The following NRXN3 variants were observed in gnomAD, a reference collection of about 807,000 sequenced individuals.
The protein encoded by NRXN3 is neurexin 3, also known as neurexin III.
In NRXN3, 32 loss-of-function variants were observed where a neutral mutation model predicts 137.6. That is an observed-to-expected ratio of 0.23 (90% confidence interval 0.18 to 0.31). NRXN3 has a LOEUF of 0.31. NRXN3 is among the 10% of genes least tolerant of loss of function. NRXN3 has a pLI of 1.00. For missense variants in NRXN3, 1,574 were observed against 2,062.5 expected, an observed-to-expected ratio of 0.76 and a Z score of 4.59; for synonymous variants, 798 against 784.5, an observed-to-expected ratio of 1.02 and a Z score of -0.29.
At chr14:78,681,445 A>C (rs888279880) in intron 6 of NRXN3, among the ~76,000 whole-genome samples, 2 of 152,240 alleles carry the variant, frequency 1.3e-5, no homozygotes, top group Non-Finnish European at 2.9e-5. Context: ...GAATCTTTAC[A>C]GCAAGACCCT....
chr14:78,393,382 C>T (rs1157093909), intron 4 of NRXN3, among the ~76,000 whole-genome samples: 1 of 151,998 alleles, frequency 6.6e-6, no homozygotes, highest in Non-Finnish European at 1.5e-5. Context: ...AGACCATTTC[C>T]ATCACCACAA....
rs982372864 is a variant in NRXN3, at chr14:79,406,268, C to G, written c.3263-60953C>G. Among the ~76,000 whole-genome samples the G allele has an allele frequency of 3.5e-5, 5 of 144,728 alleles. No individual in the cohort carries two copies. The Admixed American group carries it at 3.5e-4, about 10-fold the overall frequency. The allele number at this position is 144,728 out of a possible 152,430, so 94.9% of individuals were successfully genotyped here. A position where few individuals can be genotyped will look rare whatever the true frequency, so the allele number is the denominator to read the frequency against. ...CCCCTCCCCTCCCCTCCCATCCTCT[C>G]CCCTCCTCTCCCCTCTTCTCCCCTC... is the stretch of plus-strand genomic sequence containing the variant. On this transcript the variant is annotated intron_variant, in intron 15 of 20. Transcript: ENST00000335750.
intron 8 of NRXN3, among the ~76,000 whole-genome samples, chr14:78,719,801 A>C (rs764467744): frequency 2.0e-5 from 3 of 152,076 alleles, no homozygotes; most frequent in Non-Finnish European, 2.9e-5. Flanking sequence ...AAGATCATGC[A>C]GTTGCACTCC....
At chr14:78,909,466 G>A (rs576581854) in intron 10 of NRXN3, among the ~76,000 whole-genome samples, 4 of 152,090 alleles carry the variant, frequency 2.6e-5, no homozygotes, top group African/African-American at 7.2e-5. Context: ...GCCCAAGAAA[G>A]CTTCAATAGC....
rs2095711411 is a variant in NRXN3, at chr14:78,493,622, G to T, written c.758-151498G>T. 2.6e-5 allele frequency among the ~76,000 whole-genome samples: 4 copies of T among 152,192 alleles called. No homozygotes were observed. The South Asian group carries it at 8.3e-4, about 32-fold the overall frequency. On this transcript the variant is annotated intron_variant, in intron 4 of 20. Transcript: ENST00000335750. ...TTTCATCTTTGGACTACCCTCTTTA[G>T]GGGAAAGTTGTGGTTCTTCATCCTG...
chr14:78,385,241 C>A (rs779123619), intron 4 of NRXN3, among the ~76,000 whole-genome samples: 3 of 151,004 alleles, frequency 2.0e-5, no homozygotes, highest in Admixed American at 6.6e-5. Flanking sequence ...GGGCTATGGG[C>A]AATTTTGAAT....
intron 16 of NRXN3, among the ~76,000 whole-genome samples, chr14:79,494,717 A>G (rs1033820904): frequency 2.6e-5 from 4 of 152,210 alleles, no homozygotes; most frequent in Non-Finnish European, 5.9e-5. Flanking sequence ...TAAAGATTAT[A>G]TAGTTTCTTT....
chr14:79,251,651 G>C (rs974714419), intron 15 of NRXN3, among the ~76,000 whole-genome samples: 2 of 152,110 alleles, frequency 1.3e-5, no homozygotes, highest in Non-Finnish European at 2.9e-5. Context: ...AGGATTCACA[G>C]GTGGTGAACA....
chr14:78,605,352 G>A lies in NRXN3; in HGVS notation c.758-39768G>A, dbSNP rs148612758. Among the ~76,000 whole-genome samples the A allele has an allele frequency of 7.2e-3, 1,093 of 152,320 alleles. 5 individuals carry two copies. The highest frequency in any genetic ancestry group is 0.011 in the Admixed American group (163 of 15,302). ...GGAAACACTGAACTCTTAACACACA[G>A]ATTCTGCTGGAAGTAAATGACTCTG... On this transcript the variant is annotated intron_variant, in intron 4 of 20. Coordinates refer to ENST00000335750, the MANE Select transcript of NRXN3 (RefSeq NM_001330195.2).
intron 10 of NRXN3, among the ~76,000 whole-genome samples, chr14:78,886,660 T>C (rs986875332): frequency 6.6e-6 from 1 of 152,146 alleles, no homozygotes; most frequent in Non-Finnish European, 1.5e-5. Context: ...CATTTCTAAA[T>C]TACTGATTTC....
At chr14:78,443,501 G>A (rs1251925281) in intron 4 of NRXN3, among the ~76,000 whole-genome samples, 2 of 152,156 alleles carry the variant, frequency 1.3e-5, no homozygotes, top group Non-Finnish European at 2.9e-5. Flanking sequence ...AATATATCTA[G>A]TATAGTTTAT....
At chr14:78,858,316 G>C (rs1223515193) in intron 10 of NRXN3, among the ~76,000 whole-genome samples, 1 of 152,114 alleles carries the variant, frequency 6.6e-6, no homozygotes, top group African/African-American at 2.4e-5. Context: ...CAAATCTGGA[G>C]CTATACCATT....
intron 3 of NRXN3, among the ~76,000 whole-genome samples, chr14:78,280,919 T>G (rs2074324448): frequency 6.6e-6 from 1 of 151,986 alleles, no homozygotes; most frequent in Admixed American, 6.6e-5. Flanking sequence ...GTAGCCCGAG[T>G]GTCATTTCAG....
At chr14:78,694,093 C>CT (rs1157590193) in intron 6 of NRXN3, among the ~76,000 whole-genome samples, 1 of 151,978 alleles carries the variant, frequency 6.6e-6, no homozygotes, top group Non-Finnish European at 1.5e-5. Context: ...CTGATTGCCC[C>CT]TTCCCTCTGC....
intron 15 of NRXN3, among the ~76,000 whole-genome samples, chr14:79,149,158 G>T (rs1298815834): frequency 1.3e-5 from 2 of 152,042 alleles, no homozygotes; most frequent in Admixed American, 6.6e-5. Context: ...AGCAACACAA[G>T]AACTGGTAGG....
At chr14:79,353,276 G>T (rs1047089074) in intron 15 of NRXN3, among the ~76,000 whole-genome samples, 1 of 151,862 alleles carries the variant, frequency 6.6e-6, no homozygotes, top group African/African-American at 2.4e-5. Context: ...ATAATTGGAA[G>T]TCCACAAATT....
intron 4 of NRXN3, among the ~76,000 whole-genome samples, chr14:78,587,000 C>G (rs1011397477): frequency 5.9e-5 from 9 of 152,158 alleles, no homozygotes; most frequent in Admixed American, 3.3e-4. Flanking sequence ...ACATTTTCTC[C>G]CAGAAACAGT....
intron 2 of NRXN3, among the ~76,000 whole-genome samples, chr14:78,271,700 G>A (rs1432277111): frequency 6.6e-6 from 1 of 152,152 alleles, no homozygotes; most frequent in Non-Finnish European, 1.5e-5. Context: ...TGCCCAGGCT[G>A]ACTGGTGCCT....
intron 15 of NRXN3, among the ~76,000 whole-genome samples, chr14:79,004,536 A>C (rs1598427539): frequency 6.6e-6 from 1 of 152,120 alleles, no homozygotes; most frequent in African/African-American, 2.4e-5. Flanking sequence ...GAGCTACTCC[A>C]CCCAGCCAAT....
Sources: gnomAD v4.1 joint callset for allele counts (sites outside exome capture counted in the v4.1 genomes callset) on GRCh38, gnomAD v4.1.1 for gene constraint, MANE v1.5 for transcripts, NCBI Gene and HGNC (gene_info 2026-07-23, HGNC 2026-07-21) for gene names.